The following PUM2 variants were observed in gnomAD, a reference collection of about 807,000 sequenced individuals.
The protein encoded by PUM2 is pumilio homolog 2.
PUM2 carries 57 observed loss-of-function variants against 124.5 expected under a neutral mutation model. The observed-to-expected ratio is 0.46, with a 90% CI of 0.37 to 0.57. The LOEUF (loss-of-function observed/expected upper bound fraction) is 0.57. Ranked by LOEUF, PUM2 falls within the 20% of genes least tolerant of loss-of-function variation. The pLI is 0.00. For missense variants in PUM2, 1,065 were observed against 1,290.6 expected, an observed-to-expected ratio of 0.83 and a Z score of 2.68; for synonymous variants, 460 against 446.1, an observed-to-expected ratio of 1.03 and a Z score of -0.39.
Position 20,254,882 on chromosome 2 carries a change from T to C in PUM2, c.2851A>G (p.Ser951Gly). 2 of 1,613,762 alleles carry C rather than the reference T, an allele frequency of 1.2e-6. No individual in the cohort carries two copies. Among genetic ancestry groups the C allele is most frequent in the Non-Finnish European group, 1.7e-6 (2 of 1,179,886 alleles). ...CAATACCTGGCAAATTTGTGTTGAC[T>C]CAGGGCTAAAACCTTTCCCCTGATT... Reference protein sequence around the residue: ...SEIRGKVLALSQHKFASNVVE... With the variant: ...SEIRGKVLALGQHKFASNVVE... The change falls in exon 19 of 21, where the codon AGT becomes GGT. Residue 951 changes from serine to glycine, a missense_variant. By Grantham distance (56) the Ser-to-Gly change is moderately conservative. Around this residue, in one of 3 missense-constraint regions of PUM2, gnomAD observed 968 missense variants for 1,159.8 expected, o/e 0.83. Transcript: ENST00000361078.
At position 20,279,042 on chromosome 2, in the gene PUM2, GATTC is replaced by G. The variant is rs1162470984; in HGVS notation, c.1721-227_1721-224del. Among the ~76,000 whole-genome samples the G allele has an allele frequency of 7.9e-5, 12 of 152,166 alleles. No homozygotes were observed. In the South Asian group the frequency reaches 1.2e-3, roughly 16 times the overall value. On this transcript the variant is annotated intron_variant, in intron 12 of 20. Transcript: ENST00000361078. ...CAAATACTTAACAGAGCAGTCATATGATTCATTATTTCACACATATTTACCACTG... is the reference window on the plus strand; with the variant it reads ...CAAATACTTAACAGAGCAGTCATATGATTATTTCACACATATTTACCACTG...
intron 13 of PUM2, among the ~76,000 whole-genome samples, chr2:20,267,195 T>C (rs1353800265): frequency 2.3e-5 from 3 of 129,314 alleles, no homozygotes; most frequent in Admixed American, 1.5e-4. Context: ...GCTAAGTTTG[T>C]ATTTTTTTTT....
intron 8 of PUM2, among the ~76,000 whole-genome samples, chr2:20,296,967 T>C (rs566278318): frequency 6.6e-6 from 1 of 152,236 alleles, no homozygotes; most frequent in South Asian, 2.1e-4. Context: ...AGAGCTAGGA[T>C]TACAGGTGTG....
intron 5 of PUM2, among the ~76,000 whole-genome samples, chr2:20,308,933 TA>T (rs1473419002): frequency 2.0e-5 from 3 of 152,172 alleles, no homozygotes; most frequent in Non-Finnish European, 4.4e-5. Context: ...AACAGTGTAT[TA>T]ACAGCAGGTT....
intron 1 of PUM2, among the ~76,000 whole-genome samples, chr2:20,346,085 A>G (rs1366420304): frequency 1.3e-5 from 2 of 152,212 alleles, no homozygotes; most frequent in Non-Finnish European, 2.9e-5. Flanking sequence ...GAGGGCACCT[A>G]AGACTCTCCT....
rs144091786 is a variant in PUM2, at chr2:20,335,272, GCAAA to G, written c.-18-7898_-18-7895del. Among the ~76,000 whole-genome samples, 8 of 152,254 alleles carry G rather than the reference GCAAA, an allele frequency of 5.3e-5. No individual in the cohort carries two copies. The East Asian group carries it at 9.6e-4, about 18-fold the overall frequency. ...TCATTGAACATCCGTGGTATCTACG[GCAAA>G]CAAACAAGTGCTGAATTCCTAAAGA... is the stretch of plus-strand genomic sequence containing the variant. On this transcript the variant is annotated intron_variant, in intron 1 of 20. Coordinates refer to ENST00000361078, the MANE Select transcript of PUM2 (RefSeq NM_015317.5).
At chr2:20,306,766 C>A (rs1054217477) in intron 7 of PUM2, among the ~76,000 whole-genome samples, 3 of 151,858 alleles carry the variant, frequency 2.0e-5, no homozygotes, top group Non-Finnish European at 4.4e-5. Context: ...CACTGCTAAG[C>A]CCAGCTAATT....
At chr2:20,308,865 G>A (rs1440657507) in intron 5 of PUM2, among the ~76,000 whole-genome samples, 1 of 152,130 alleles carries the variant, frequency 6.6e-6, no homozygotes, top group East Asian at 1.9e-4. Flanking sequence ...AAACTGGCCA[G>A]TATCACAACT....
intron 13 of PUM2, among the ~76,000 whole-genome samples, chr2:20,267,403 A>G (rs1667951488): frequency 6.6e-6 from 1 of 152,206 alleles, no homozygotes; most frequent in Non-Finnish European, 1.5e-5. Context: ...AGAATCATAC[A>G]GCCAATGTGA....
At chr2:20,291,305 T>G (rs1674014087) in intron 9 of PUM2, among the ~76,000 whole-genome samples, 2 of 152,222 alleles carry the variant, frequency 1.3e-5, no homozygotes, top group Non-Finnish European at 2.9e-5. Context: ...GAAACTTTCC[T>G]GCCTAAAGTC....
At chr2:20,290,348 T>C (rs1033312370) in intron 10 of PUM2, among the ~76,000 whole-genome samples, 26 of 152,214 alleles carry the variant, frequency 1.7e-4, no homozygotes, top group African/African-American at 6.0e-4. Context: ...AATAACTGTT[T>C]TACTTCTTGA....
intron 1 of PUM2, among the ~76,000 whole-genome samples, chr2:20,344,446 T>G (rs1349224543): frequency 6.6e-6 from 1 of 152,192 alleles, no homozygotes; most frequent in Non-Finnish European, 1.5e-5. Flanking sequence ...CTCTAAGGCT[T>G]TCAAGGACAC....
At position 20,260,475 on chromosome 2, in the gene PUM2, G is replaced by C; in HGVS notation, c.2226-9C>G. 1 of 1,596,774 alleles carries C rather than the reference G, an allele frequency of 6.3e-7. No homozygotes were observed. Among genetic ancestry groups the C allele is most frequent in the Non-Finnish European group, 8.6e-7 (1 of 1,166,782 alleles). ...GTTTTTGCTGTATGAATCTACATAG[G>C]GAACATTTTTAATATGACAATATGT... On this transcript the variant is annotated splice_polypyrimidine_tract_variant and intron_variant, in intron 14 of 20. Transcript: ENST00000361078.
At chr2:20,302,763 T>C (rs1283304637) in intron 7 of PUM2, among the ~76,000 whole-genome samples, 1 of 152,188 alleles carries the variant, frequency 6.6e-6, no homozygotes, top group Non-Finnish European at 1.5e-5. Flanking sequence ...GGATGGCAGA[T>C]ATGAAAAGAA....
chr2:20,345,611 C>T (rs750336530), intron 1 of PUM2, among the ~76,000 whole-genome samples: 5 of 152,148 alleles, frequency 3.3e-5, no homozygotes, highest in Non-Finnish European at 7.4e-5. Context: ...CAGTGGCTCA[C>T]GCCTGTAATC....
At chr2:20,280,945 C>T (rs555798227) in intron 12 of PUM2, among the ~76,000 whole-genome samples, 43 of 152,244 alleles carry the variant, frequency 2.8e-4, no homozygotes, top group African/African-American at 8.9e-4. Context: ...GTATTTAACA[C>T]TGTTAAACAT....
At chr2:20,279,927 A>C (rs528383350) in intron 12 of PUM2, among the ~76,000 whole-genome samples, 10 of 152,288 alleles carry the variant, frequency 6.6e-5, no homozygotes, top group African/African-American at 2.2e-4. Context: ...CATCTAAGAA[A>C]ATTTCAAACC....
Position 20,253,803 on chromosome 2 carries a change from G to C in PUM2, c.3063+19C>G. On this transcript the variant is annotated intron_variant, in intron 20 of 20. Transcript: ENST00000361078. ...AACACAAAGACAAACAGTTATCTGA[G>C]TGTTACATGCTGTATTACCTTGTGC... 4 of 1,582,372 alleles carry C rather than the reference G, an allele frequency of 2.5e-6. No individual in the cohort carries two copies. Among genetic ancestry groups the C allele is most frequent in the Non-Finnish European group, 2.6e-6 (3 of 1,157,040 alleles).
intron 1 of PUM2, among the ~76,000 whole-genome samples, chr2:20,342,261 T>C (rs1264755838): frequency 1.3e-5 from 2 of 152,126 alleles, no homozygotes; most frequent in African/African-American, 4.8e-5. Context: ...TTTAATGCAG[T>C]ATATTTGGAA....
Sources: gnomAD v4.1 joint callset for allele counts (sites outside exome capture counted in the v4.1 genomes callset) on GRCh38, gnomAD v4.1.1 for gene constraint, gnomAD v4.1.1 regional missense constraint, MANE v1.5 for transcripts, NCBI Gene and HGNC (gene_info 2026-07-23, HGNC 2026-07-21) for gene names.